Variants in AGAP1 observed in about 807,000 individuals in gnomAD.
AGAP1 encodes arf-GAP with GTPase, ANK repeat and PH domain-containing protein 1.
AGAP1 carries 29 observed loss-of-function variants against 105.3 expected under a neutral mutation model. That is an observed-to-expected ratio of 0.28 (90% CI 0.21 to 0.38). The LOEUF is 0.38. AGAP1 is among the 10% of genes least tolerant of loss of function. The probability of loss-of-function intolerance (pLI) is 1.00; values close to 1 mark genes in which losing one functional copy is unlikely to be tolerated. For missense variants in AGAP1, 998 were observed against 1,165.1 expected (o/e 0.86, Z 2.09); for synonymous variants, 509 against 485.9 (o/e 1.05, Z -0.63).
At chr2:235,758,387 T>C (rs1302411581) in intron 6 of AGAP1, among the ~76,000 whole-genome samples, 1 of 152,172 alleles carries the variant, frequency 6.6e-6, no homozygotes, top group Non-Finnish European at 1.5e-5. Context: ...CAGCTGGGAC[T>C]ACATTGTTGG....
intron 1 of AGAP1, among the ~76,000 whole-genome samples, chr2:235,685,076 G>T (rs1949307525): frequency 6.6e-6 from 1 of 152,144 alleles, no homozygotes; most frequent in Non-Finnish European, 1.5e-5. Flanking sequence ...GGCTTTGCTG[G>T]GTGGGCCGAG....
At chr2:235,504,146 ACT>A (rs769237817) in intron 1 of AGAP1, among the ~76,000 whole-genome samples, 23 of 149,894 alleles carry the variant, frequency 1.5e-4, no homozygotes, top group Non-Finnish European at 2.1e-4. Flanking sequence ...CCAGCCTCGA[ACT>A]CTCTTTTTTT....
chr2:235,786,769 T>C (rs1956666579), intron 6 of AGAP1, among the ~76,000 whole-genome samples: 1 of 152,224 alleles, frequency 6.6e-6, no homozygotes, highest in Non-Finnish European at 1.5e-5. Flanking sequence ...GCTCTCTTAC[T>C]CTGAGCAGGT....
intron 6 of AGAP1, among the ~76,000 whole-genome samples, chr2:235,759,164 CTTTTTTTTT>C (rs560528348): frequency 2.9e-5 from 3 of 104,106 alleles, no homozygotes; most frequent in Non-Finnish European, 3.9e-5. Flanking sequence ...TGATGTCATT[CTTTTTTTTT>C]TTTTTTTTTT....
chr2:235,697,186 G>C (rs916657898), intron 1 of AGAP1, among the ~76,000 whole-genome samples: 21 of 152,292 alleles, frequency 1.4e-4, no homozygotes, highest in East Asian at 1.9e-4. Context: ...GTGAGAGCTG[G>C]AAGAACCGGA....
intron 1 of AGAP1, among the ~76,000 whole-genome samples, chr2:235,687,250 C>A (rs1042183179): frequency 6.6e-6 from 1 of 152,194 alleles, no homozygotes; most frequent in Admixed American, 6.5e-5. Context: ...TTCCACACCA[C>A]AGGAGATGTT....
chr2:235,962,128 C>T lies in AGAP1; in HGVS notation c.1484-6334C>T, dbSNP rs1337566419. On this transcript the variant is annotated intron_variant, in intron 12 of 17. Coordinates refer to ENST00000304032, the MANE Select transcript of AGAP1 (RefSeq NM_001037131.3). The surrounding 1 kb of genome is among the most constrained non-coding windows in gnomAD (Gnocchi z 5.3). ...AGGTCATCGTGAGGATGGTGTGGGG[C>T]GTGGGGTGTTTGAAGCGGGAGGAGA... Among the ~76,000 whole-genome samples the T allele has an allele frequency of 6.6e-6, 1 of 151,362 alleles. No homozygotes were observed. Among genetic ancestry groups the T allele is most frequent in the African/African-American group, 2.4e-5 (1 of 40,844 alleles).
In AGAP1 at chr2:235,887,518, T is replaced by G. The variant is rs1280748048; in HGVS notation, c.1155+4069T>G. Among the ~76,000 whole-genome samples the G allele has an allele frequency of 6.6e-6, 1 of 152,206 alleles. No individual in the cohort carries two copies. The highest frequency in any genetic ancestry group is 1.5e-5 in the Non-Finnish European group (1 of 68,040). On this transcript the variant is annotated intron_variant, in intron 10 of 17. Coordinates refer to ENST00000304032, the MANE Select transcript of AGAP1 (RefSeq NM_001037131.3). The surrounding 1 kb of genome is among the most constrained non-coding windows in gnomAD (Gnocchi z 4.1). Reference sequence around the variant, plus strand: ...CCCTGTTTTACACTAGAGGAAAATGTTATCTGGTTTCTGAGAACACTATTC... The same window carrying G: ...CCCTGTTTTACACTAGAGGAAAATGGTATCTGGTTTCTGAGAACACTATTC...
In AGAP1 at chr2:235,625,338, A is replaced by C. The variant is rs1346292402; in HGVS notation, c.164-83841A>C. 6.6e-6 allele frequency among the ~76,000 whole-genome samples: 1 copy of C among 152,194 alleles called. No individual in the cohort carries two copies. The highest frequency in any genetic ancestry group is 1.5e-5 in the Non-Finnish European group (1 of 68,036). ...ATAAGGTGACCTGGAGGAGGTGTGA[A>C]GACCTGCGCATGTGGACAGTTTGAA... is the stretch of plus-strand genomic sequence containing the variant. On this transcript the variant is annotated intron_variant, in intron 1 of 17. Coordinates refer to ENST00000304032, the MANE Select transcript of AGAP1 (RefSeq NM_001037131.3). The surrounding 1 kb of genome is among the most constrained non-coding windows in gnomAD (Gnocchi z 4.0).
At chr2:236,031,910 A>T (rs1363735902) in intron 13 of AGAP1, among the ~76,000 whole-genome samples, 1 of 152,114 alleles carries the variant, frequency 6.6e-6, no homozygotes, top group Admixed American at 6.5e-5. Flanking sequence ...TGTGGGTGAC[A>T]CACTCACAGC....
At chr2:235,572,271 G>A (rs1239831912) in intron 1 of AGAP1, among the ~76,000 whole-genome samples, 3 of 151,918 alleles carry the variant, frequency 2.0e-5, no homozygotes, top group Admixed American at 1.3e-4. Context: ...AGCTCAGCAT[G>A]GCTGTGTGAC....
At chr2:235,838,098 A>G (rs1960378024) in intron 9 of AGAP1, among the ~76,000 whole-genome samples, 1 of 152,196 alleles carries the variant, frequency 6.6e-6, no homozygotes, top group Non-Finnish European at 1.5e-5. Flanking sequence ...AAGCAAGAGA[A>G]TCACGTGAAC....
intron 6 of AGAP1, among the ~76,000 whole-genome samples, chr2:235,794,161 A>G (rs1429910574): frequency 6.6e-6 from 1 of 152,146 alleles, no homozygotes; most frequent in Non-Finnish European, 1.5e-5. Context: ...TTTCACCTTT[A>G]TACAATGTAC....
rs186785532 is a variant in AGAP1 at position 235,893,455 on chromosome 2, T to C, written c.1155+10006T>C. Among the ~76,000 whole-genome samples the C allele has an allele frequency of 9.9e-5, 15 of 151,350 alleles. No homozygotes were observed. The East Asian group carries it at 3.0e-3, about 30-fold the overall frequency. On this transcript the variant is annotated intron_variant, in intron 10 of 17. Coordinates refer to ENST00000304032, the MANE Select transcript of AGAP1 (RefSeq NM_001037131.3). This position sits in a 1 kb window ranked among gnomAD's most constrained non-coding sequence, Gnocchi z 4.7. ...CCATCATAAGGAAGAGCTGTGTCTG[T>C]GGTGCGGGTGCACCATGTCCATCAT...
chr2:235,792,891 C>G lies in AGAP1; in HGVS notation c.674-4868C>G, dbSNP rs1957062804. 6.6e-6 allele frequency among the ~76,000 whole-genome samples: 1 copy of G among 152,110 alleles called. No individual in the cohort carries two copies. The highest frequency in any genetic ancestry group is 2.4e-5 in the African/African-American group (1 of 41,420). ...GTGGCGATCCTGGGAGCTCCTGGCA[C>G]TGAGGTGGTGACCGAGACATTCGCG... On this transcript the variant is annotated intron_variant, in intron 6 of 17. Coordinates refer to ENST00000304032, the MANE Select transcript of AGAP1 (RefSeq NM_001037131.3). This position sits in a 1 kb window ranked among gnomAD's most constrained non-coding sequence, Gnocchi z 5.3.
At chr2:235,536,091 G>A (rs1943206598) in intron 1 of AGAP1, among the ~76,000 whole-genome samples, 1 of 148,926 alleles carries the variant, frequency 6.7e-6, no homozygotes, top group Admixed American at 6.8e-5. Flanking sequence ...GCTTTCTCAC[G>A]ATTTCCTCAC....
At chr2:235,654,290 T>C (rs2149328951) in intron 1 of AGAP1, among the ~76,000 whole-genome samples, 1 of 152,328 alleles carries the variant, frequency 6.6e-6, no homozygotes, top group East Asian at 1.9e-4. Flanking sequence ...TTGTGGCATG[T>C]GACATCTTTG....
chr2:235,545,490 G>A (rs184523812), intron 1 of AGAP1, among the ~76,000 whole-genome samples: 2 of 152,278 alleles, frequency 1.3e-5, no homozygotes, highest in African/African-American at 4.8e-5. Flanking sequence ...GCACCTGCGG[G>A]GGAAGTAGTA....
chr2:235,969,430 T>C (rs1213713994), intron 13 of AGAP1, among the ~76,000 whole-genome samples: 1 of 152,198 alleles, frequency 6.6e-6, no homozygotes, highest in African/African-American at 2.4e-5. Flanking sequence ...CATGAATTAT[T>C]ACCTGTGAGA....
Sources: allele counts gnomAD v4.1 joint callset (sites outside exome capture counted in the v4.1 genomes callset), GRCh38; gene constraint gnomAD v4.1.1; non-coding constraint Gnocchi (gnomAD v3.1); transcripts MANE v1.5; gene names NCBI Gene and HGNC (gene_info 2026-07-23, HGNC 2026-07-21).